CHD2: variants seen among roughly 807,000 people sequenced by gnomAD.
The protein encoded by CHD2 is chromodomain helicase DNA binding protein 2, also known as ATP-dependent chromatin remodeler CHD2.
CHD2 carries 28 observed loss-of-function variants against 243.9 expected under a neutral mutation model. The observed-to-expected ratio is 0.11, with a 90% CI of 0.09 to 0.16. CHD2 has a LOEUF of 0.16. Among genes scored for constraint, CHD2 ranks in the 10% least tolerant of loss-of-function variants. CHD2 has a pLI of 1.00. For missense variants in CHD2, 1,386 were observed against 2,209.8 expected (o/e 0.63, Z 7.47); for synonymous variants, 775 against 779.0 (o/e 0.99, Z 0.09).
At chr15:93,008,887 G>A (rs1280211270) in intron 34 of CHD2, among the ~76,000 whole-genome samples, 2 of 152,164 alleles carry the variant, frequency 1.3e-5, no homozygotes, top group African/African-American at 4.8e-5. Context: ...TCTTGCAGAT[G>A]AGGAAGCAGT....
chr15:92,920,246 C>G (rs191740123), intron 2 of CHD2, among the ~76,000 whole-genome samples: 1 of 151,916 alleles, frequency 6.6e-6, no homozygotes, highest in African/African-American at 2.4e-5. Context: ...CAAGAAGATA[C>G]GTAGAAAGAA....
At chr15:92,927,190 A>G (rs2053079401) in intron 3 of CHD2, 54 bp from the exon 4 acceptor site, 1 of 1,262,080 alleles carries the variant, frequency 7.9e-7, no homozygotes, top group Non-Finnish European at 1.1e-6. Flanking sequence ...AACGTTTGAT[A>G]ATAATAATGG....
chr15:93,022,830 A>C (rs72765620), intron 38 of CHD2, among the ~76,000 whole-genome samples: 8,516 of 152,208 alleles, frequency 0.056, 257 homozygotes, highest in Middle Eastern at 0.11. Context: ...GAGCCGTTAA[A>C]AGGCTCATTT....
At chr15:92,933,833 T>A (rs914285338) in intron 5 of CHD2, among the ~76,000 whole-genome samples, 2 of 152,176 alleles carry the variant, frequency 1.3e-5, no homozygotes, top group African/African-American at 2.4e-5. Flanking sequence ...CTTGAACTCC[T>A]TGGTTCAAGC....
At chr15:93,024,330 C>G in intron 38 of CHD2, 42 bp from the exon 39 acceptor site, 1 of 1,560,532 alleles carries the variant, frequency 6.4e-7, no homozygotes, top group Non-Finnish European at 8.7e-7. Flanking sequence ...GGATGGGAAT[C>G]TGGCTTCAGT....
chr15:92,971,947 TA>T lies in CHD2; in HGVS notation c.2352+21del. ...CTTCTGGTAGGTAGTTCCTCATAAT[TA>T]CTTTCTCAAAAAAAACGCTTAGTTT... On this transcript the variant is annotated intron_variant, in intron 18 of 38. Coordinates refer to ENST00000394196, the MANE Select transcript of CHD2 (RefSeq NM_001271.4). The T allele has an allele frequency of 6.3e-7, 1 of 1,589,432 alleles. No homozygotes were observed. Among genetic ancestry groups the T allele is most frequent in the Non-Finnish European group, 8.5e-7 (1 of 1,171,530 alleles).
chr15:92,908,465 T>A (rs1429058819), intron 2 of CHD2, among the ~76,000 whole-genome samples: 1 of 152,230 alleles, frequency 6.6e-6, no homozygotes, highest in Non-Finnish European at 1.5e-5. Flanking sequence ...TGGGTTCTAC[T>A]TTTTATTCCC....
At chr15:92,909,622 G>A (rs2052690759) in intron 2 of CHD2, among the ~76,000 whole-genome samples, 1 of 152,110 alleles carries the variant, frequency 6.6e-6, no homozygotes, top group Non-Finnish European at 1.5e-5. Flanking sequence ...GTGCGGTGCT[G>A]CAATCCCAGT....
At chr15:93,017,430 A>G (rs1177049926) in intron 37 of CHD2, among the ~76,000 whole-genome samples, 1 of 147,808 alleles carries the variant, frequency 6.8e-6, no homozygotes, top group Non-Finnish European at 1.5e-5. Context: ...GGTTCAAGCG[A>G]TTCTCCTGCC....
In CHD2 at chr15:92,939,623, T is replaced by C. The variant is rs2053324873; in HGVS notation, c.597T>C (p.Arg199=). ...TTAAAAAGCAGCCGAAGACTCAGCG[T>C]GGAAAGAGAAAAAAGCAAGATTCTT... The part of the protein sequence containing the change: ...PRVKKQPKTQ[R]GKRKKQDSSD... The change falls in exon 7 of 39, where the codon CGT becomes CGC. Residue 199 remains arginine (R), a synonymous_variant. Coordinates refer to ENST00000394196, the MANE Select transcript of CHD2 (RefSeq NM_001271.4). 1 of 1,613,920 alleles carries C rather than the reference T, an allele frequency of 6.2e-7. No homozygotes were observed. The highest frequency in any genetic ancestry group is 1.3e-5 in the African/African-American group (1 of 74,872).
chr15:92,966,077 T>C (rs1699177625), intron 16 of CHD2, among the ~76,000 whole-genome samples: 1 of 149,540 alleles, frequency 6.7e-6, no homozygotes, highest in South Asian at 2.1e-4. Flanking sequence ...TTTTTTTTTT[T>C]TTTTTTGAGA....
Position 92,971,841 on chromosome 15 carries a change from A to G in CHD2, c.2266A>G (p.Met756Val). Residue 756 changes from methionine to valine, a missense_variant, in exon 18 of 39, where the codon ATG (methionine) becomes GTG (valine). Physicochemically the swap from Met to Val is conservative, Grantham distance 21 (BLOSUM62 1). Coordinates refer to ENST00000394196, the MANE Select transcript of CHD2 (RefSeq NM_001271.4). ...GSTSGFLNIV[M>V]ELKKCCNHCY... ...CACATCTGGTTTTCTTAATATTGTG[A>G]TGGAACTGAAAAAATGTTGCAACCA... 11 of 1,613,908 alleles carry G rather than the reference A, an allele frequency of 6.8e-6. No individual in the cohort carries two copies. The highest frequency in any genetic ancestry group is 9.3e-6 in the Non-Finnish European group (11 of 1,179,902).
At chr15:93,012,306 A>T in intron 35 of CHD2, 39 bp from the exon 36 acceptor site, 1 of 1,457,418 alleles carries the variant, frequency 6.9e-7, no homozygotes, top group Non-Finnish European at 9.4e-7. Flanking sequence ...TGCTTTTCTA[A>T]TTCTATAATT....
Position 92,929,032 on chromosome 15 carries a change from A to C in CHD2, c.384A>C (p.Ala128=). The C allele has an allele frequency of 4.3e-6, 7 of 1,611,778 alleles. No homozygotes were observed. Among genetic ancestry groups the C allele is most frequent in the Non-Finnish European group, 5.9e-6 (7 of 1,178,720 alleles). ...EPSRFNIKEE[A]SSGSESGSPK... ...TTTTCCCCCCTCACACACTGAAGGC[A>C]AGTAGCGGGTCTGAGAGTGGGAGCC... The change falls in exon 5 of 39, where the codon GCA becomes GCC. Residue 128 remains alanine, a splice_region_variant and synonymous_variant. Coordinates refer to ENST00000394196, the MANE Select transcript of CHD2 (RefSeq NM_001271.4).
At position 93,009,134 on chromosome 15, in the gene CHD2, T is replaced by G. The variant is rs756808742; in HGVS notation, c.4414-11T>G. 1 of 1,613,740 alleles carries G rather than the reference T, an allele frequency of 6.2e-7. No individual in the cohort carries two copies. Among genetic ancestry groups the G allele is most frequent in the South Asian group, 1.1e-5 (1 of 91,036 alleles). On this transcript the variant is annotated splice_polypyrimidine_tract_variant and intron_variant, in intron 34 of 38. Coordinates refer to ENST00000394196, the MANE Select transcript of CHD2 (RefSeq NM_001271.4). ...GATTGTTTATGTCTTTACTCTGTTG[T>G]CCTGTTGCAGTGTAAGGAGAGGATG...
chr15:92,949,747 T>C (rs566431120), intron 13 of CHD2, among the ~76,000 whole-genome samples: 1 of 152,338 alleles, frequency 6.6e-6, no homozygotes, highest in South Asian at 2.1e-4. Context: ...TAGAAACAAA[T>C]GCTTGTTCCT....
chr15:92,968,146 T>TAA (rs1266174842), intron 17 of CHD2, among the ~76,000 whole-genome samples: 1 of 152,204 alleles, frequency 6.6e-6, no homozygotes, highest in Non-Finnish European at 1.5e-5. Context: ...CCTTATAAAT[T>TAA]TTTTGAGTCA....
At chr15:93,019,020 T>C (rs1165483278) in intron 37 of CHD2, among the ~76,000 whole-genome samples, 1 of 152,248 alleles carries the variant, frequency 6.6e-6, no homozygotes, top group African/African-American at 2.4e-5. Context: ...CAAGTGAGTA[T>C]GATTCTTTTC....
intron 5 of CHD2, among the ~76,000 whole-genome samples, chr15:92,937,138 C>T (rs1303780953): frequency 6.6e-6 from 1 of 152,148 alleles, no homozygotes; most frequent in Non-Finnish European, 1.5e-5. Flanking sequence ...GCTGAGATTA[C>T]AGGCATGGAC....
Sources: gnomAD v4.1 joint callset for allele counts (sites outside exome capture counted in the v4.1 genomes callset) on GRCh38, gnomAD v4.1.1 for gene constraint, MANE v1.5 for transcripts, NCBI Gene and HGNC (gene_info 2026-07-23, HGNC 2026-07-21) for gene names.